Variants in HSPH1 observed in about 807,000 individuals in gnomAD.
HSPH1 encodes heat shock protein family H (Hsp110) member 1, also known as heat shock protein 105 kDa.
In HSPH1, 40 loss-of-function variants were observed where a neutral mutation model predicts 100.0. The ratio of observed to expected loss-of-function variants is 0.40; its 90% CI spans 0.31 to 0.52. The LOEUF is 0.52. HSPH1 is among the 20% of genes least tolerant of loss of function. HSPH1 has a pLI of 0.54. For synonymous variants in HSPH1, 403 were observed against 344.0 expected, an observed-to-expected ratio of 1.17 and a Z score of -1.90; for missense variants, 876 against 1,015.1, an observed-to-expected ratio of 0.86 and a Z score of 1.86.
At chr13:31,159,054 C>T (rs1015367114) in intron 1 of HSPH1, among the ~76,000 whole-genome samples, 191 bp from the exon 2 acceptor site, 1 of 152,184 alleles carries the variant, frequency 6.6e-6, no homozygotes, top group Admixed American at 6.5e-5. Context: ...TGAGATCCAA[C>T]CTAGGTGGCA....
In HSPH1 at chr13:31,144,187, G is replaced by C. The variant is rs145297859; in HGVS notation, c.1585-264C>G. Among the ~76,000 whole-genome samples, 304 of 152,186 alleles carry C rather than the reference G, an allele frequency of 2.0e-3. 2 individuals are homozygous for C. Among genetic ancestry groups the C allele is most frequent in the Non-Finnish European group, 3.3e-3 (222 of 67,992 alleles). Reference sequence around the variant, plus strand: ...ATTTAATTGATGTGATGACAATCAAGAATCAAGAACTCTCCCTTAGGAAGC... The same window carrying C: ...ATTTAATTGATGTGATGACAATCAACAATCAAGAACTCTCCCTTAGGAAGC... On this transcript the variant is annotated intron_variant, in intron 11 of 17. Transcript: ENST00000320027.
upstream of HSPH1, chr13:31,162,224 C>G: frequency 2.4e-6 from 2 of 827,660 alleles, no homozygotes; most frequent in Non-Finnish European, 3.8e-6. Context: ...GGAATAGTCA[C>G]AATTTACTAC....
chr13:31,138,488 A>G lies in HSPH1; in HGVS notation c.2289T>C (p.Asn763=), dbSNP rs1955965126. 6.2e-7 allele frequency: 1 copy of G among 1,613,016 alleles called. No homozygotes were observed. The highest frequency in any genetic ancestry group is 8.5e-7 in the Non-Finnish European group (1 of 1,179,098). ...KSVNEVMEWM[N]NVMNAQAKKS... ...TTTTAGCCTGAGCATTCATGACATTATTCATCCATTCCATCACTTCATTAA... is the reference window on the plus strand; with the variant it reads ...TTTTAGCCTGAGCATTCATGACATTGTTCATCCATTCCATCACTTCATTAA... Residue 763 remains asparagine, a synonymous_variant, in exon 17 of 18, where the codon AAT becomes AAC. Coordinates refer to ENST00000320027, the MANE Select transcript of HSPH1 (RefSeq NM_006644.4).
chr13:31,162,016 C>A (rs1956943998), upstream of HSPH1: 1 of 1,536,042 alleles, frequency 6.5e-7, no homozygotes, highest in Admixed American at 2.0e-5. Flanking sequence ...GTGCCACTTC[C>A]GCTTCCTTCT....
chr13:31,140,247 C>T lies in HSPH1; in HGVS notation c.1917G>A (p.Glu639=). Residue 639 remains glutamate (E), a synonymous_variant, in exon 14 of 18, where the codon GAG becomes GAA. Coordinates refer to ENST00000320027, the MANE Select transcript of HSPH1 (RefSeq NM_006644.4). ...KERNDAKNAV[E]EYVYEFRDKL... ...TGTCTCTGAACTCATACACATATTCCTCAACTGCATTTTTAGCATCATTCC... is the reference window on the plus strand; with the variant it reads ...TGTCTCTGAACTCATACACATATTCTTCAACTGCATTTTTAGCATCATTCC... 4 of 1,611,588 alleles carry T rather than the reference C, an allele frequency of 2.5e-6. No individual in the cohort carries two copies. The highest frequency in any genetic ancestry group is 3.4e-6 in the Non-Finnish European group (4 of 1,178,524).
At chr13:31,147,168 G>A (rs1243173878) in intron 10 of HSPH1, among the ~76,000 whole-genome samples, 3 of 152,100 alleles carry the variant, frequency 2.0e-5, no homozygotes, top group Non-Finnish European at 2.9e-5. Flanking sequence ...ACACAGTAAC[G>A]AGTTAATGCA....
At chr13:31,160,849 C>G (rs997692578) in intron 1 of HSPH1, among the ~76,000 whole-genome samples, 1 of 152,172 alleles carries the variant, frequency 6.6e-6, no homozygotes, top group Non-Finnish European at 1.5e-5. Flanking sequence ...ATGTTAGCAA[C>G]GAAGAGACTG....
chr13:31,143,655 A>G, intron 12 of HSPH1, 137 bp downstream of exon 12: 1 of 765,840 alleles, frequency 1.3e-6, no homozygotes, highest in Non-Finnish European at 2.0e-6. Flanking sequence ...TGAAAAATAC[A>G]TAGAAAATCA....
chr13:31,161,881 G>T lies in HSPH1; in HGVS notation c.-299C>A. The T allele has an allele frequency of 6.7e-7, 1 of 1,487,636 alleles. No individual in the cohort carries two copies. The highest frequency in any genetic ancestry group is 1.3e-5 in the South Asian group (1 of 77,466). The allele number at this position is 1,487,636 out of a possible 1,614,324, so 92.2% of individuals were successfully genotyped here. ...TCACTCTGCCGCGGCTCGCACACCG[G>T]CGCCGGCGCTGAACTACCGACCCAA... On this transcript the variant is annotated 5_prime_UTR_variant, in exon 1 of 18. Transcript: ENST00000320027.
At chr13:31,152,008 A>T (rs552308649) in intron 5 of HSPH1, 2 of 341,414 alleles carry the variant, frequency 5.9e-6, no homozygotes, top group Non-Finnish European at 1.1e-5. Flanking sequence ...AGTGAAACAT[A>T]ACCACGTATC....
At position 31,159,004 on chromosome 13, in the gene HSPH1, C is replaced by T. The variant is rs1956802861; in HGVS notation, c.108-141G>A. ...GCACAATTTTAAGGTCTATAGCTTT[C>T]ATCAGATACTCAAAGGGGGCTTCCA... On this transcript the variant is annotated intron_variant, in intron 1 of 17. Transcript: ENST00000320027. 2.9e-5 allele frequency: 16 copies of T among 556,156 alleles called. No individual in the cohort carries two copies. The South Asian group carries it at 4.2e-4, about 15-fold the overall frequency. 34.5% of individuals were successfully genotyped at this position (556,156 alleles called of 1,614,324 possible). A position where few individuals can be genotyped will look rare whatever the true frequency, so the allele number is the denominator to read the frequency against.
rs143383150 is a variant in HSPH1 at position 31,142,171 on chromosome 13, C to T, written c.1717-912G>A. Among the ~76,000 whole-genome samples the T allele has an allele frequency of 7.8e-4, 119 of 152,160 alleles. 2 individuals carry two copies. The East Asian group carries it at 7.9e-3, about 10-fold the overall frequency. Reference sequence around the variant, plus strand: ...ATGGTAAAACGGGAAGAGACTGGCCCATGAGGCACAATAATCATAGCCATA... The same window carrying T: ...ATGGTAAAACGGGAAGAGACTGGCCTATGAGGCACAATAATCATAGCCATA... On this transcript the variant is annotated intron_variant, in intron 12 of 17. Coordinates refer to ENST00000320027, the MANE Select transcript of HSPH1 (RefSeq NM_006644.4).
In HSPH1 at chr13:31,158,443, G is replaced by A. The variant is rs140119374; in HGVS notation, c.165+363C>T. Reference sequence around the variant, plus strand: ...ACGCGCCTGTAATCCCACCTACTCAGGAGGCTGAGGCAGGAGAATCGCTTT... The same window carrying A: ...ACGCGCCTGTAATCCCACCTACTCAAGAGGCTGAGGCAGGAGAATCGCTTT... On this transcript the variant is annotated intron_variant, in intron 2 of 17. Transcript: ENST00000320027. Among the ~76,000 whole-genome samples the A allele has an allele frequency of 5.3e-4, 80 of 151,630 alleles. 2 individuals carry two copies. In the East Asian group the frequency reaches 0.015, roughly 28 times the overall value.
At chr13:31,138,053 C>G (rs1955949948) in intron 17 of HSPH1, among the ~76,000 whole-genome samples, 1 of 152,124 alleles carries the variant, frequency 6.6e-6, no homozygotes, top group South Asian at 2.1e-4. Context: ...CTTAACATCT[C>G]TGATAGATGA....
At position 31,158,699 on chromosome 13, in the gene HSPH1, A is replaced by G. The variant is rs1458767197; in HGVS notation, c.165+107T>C. ...ACTTGAATTACATTTTTAAAACTCA[A>G]AAATACATAAACTTAGGCACACTTT... On this transcript the variant is annotated intron_variant, in intron 2 of 17. Coordinates refer to ENST00000320027, the MANE Select transcript of HSPH1 (RefSeq NM_006644.4). The G allele has an allele frequency of 5.7e-6, 4 of 706,486 alleles. No individual in the cohort carries two copies. In the African/African-American group the frequency reaches 7.2e-5, roughly 13 times the overall value. 43.8% of individuals were successfully genotyped at this position (706,486 alleles called of 1,614,324 possible).
In HSPH1 at chr13:31,150,090, T is replaced by A. The variant is rs2137599933; in HGVS notation, c.1001A>T (p.Asp334Val). 6.2e-7 allele frequency: 1 copy of A among 1,613,790 alleles called. No homozygotes were observed. Among genetic ancestry groups the A allele is most frequent in the Non-Finnish European group, 8.5e-7 (1 of 1,179,750 alleles). The change falls in exon 8 of 18, where the codon GAT (aspartate) becomes GTT (valine). Residue 334 changes from aspartate (D) to valine (V), a missense_variant. By Grantham distance (152) the Asp-to-Val change is radical (BLOSUM62 -3). Transcript: ENST00000320027. ...TCCAACAATCTCAACTGCACTCACA[T>A]CTTCTACTTTGAGATGAGTTTGTTC... Reference protein sequence around the residue: ...LLEQTHLKVEDVSAVEIVGGA... With the variant: ...LLEQTHLKVEVVSAVEIVGGA...
chr13:31,137,642 A>G (rs766915053), intron 17 of HSPH1, 118 bp from the exon 18 acceptor site: 11 of 714,274 alleles, frequency 1.5e-5, no homozygotes, highest in Non-Finnish European at 2.5e-5. Context: ...ACATAAAATA[A>G]TTACATTTTC....
chr13:31,149,258 A>G (rs944795402), intron 8 of HSPH1, among the ~76,000 whole-genome samples: 7 of 152,126 alleles, frequency 4.6e-5, no homozygotes, highest in South Asian at 4.1e-4. Flanking sequence ...TCTTCCTTTT[A>G]TAAGTATACA....
chr13:31,139,781 A>AT (rs978715398), intron 14 of HSPH1, among the ~76,000 whole-genome samples: 20 of 152,110 alleles, frequency 1.3e-4, no homozygotes, highest in Non-Finnish European at 2.6e-4. Context: ...GATAAGGGGA[A>AT]TAACGGGGCT....
Sources: gnomAD v4.1 joint callset for allele counts (sites outside exome capture counted in the v4.1 genomes callset) on GRCh38, gnomAD v4.1.1 for gene constraint, MANE v1.5 for transcripts, NCBI Gene and HGNC (gene_info 2026-07-23, HGNC 2026-07-21) for gene names.